Variants in VMP1 observed in about 807,000 individuals in gnomAD.
VMP1 encodes vacuole membrane protein 1, also known as ectopic P-granules autophagy protein 3 homolog.
Under a neutral mutation model 56.0 loss-of-function variants are expected in VMP1, and 11 were observed. That is an observed-to-expected ratio of 0.20 (90% CI 0.12 to 0.32). The LOEUF (loss-of-function observed/expected upper bound fraction) is 0.32, where lower values mean the gene tolerates loss of function less well. Ranked by LOEUF, VMP1 falls within the 10% of genes least tolerant of loss-of-function variation. The probability of loss-of-function intolerance (pLI) is 1.00; values close to 1 mark genes in which losing one functional copy is unlikely to be tolerated. For synonymous variants in VMP1, 149 were observed against 165.0 expected (o/e 0.90, Z 0.74); for missense variants, 296 against 490.3 (o/e 0.60, Z 3.74).
rs566692719 is a variant in VMP1, at chr17:59,841,125, A to G, written c.*1214A>G. On this transcript the variant is annotated 3_prime_UTR_variant, in exon 12 of 12. Coordinates refer to ENST00000262291, the MANE Select transcript of VMP1 (RefSeq NM_030938.5). ...ATTATGAGCATTATGTCAGAATAGA[A>G]TAGAATTGGGGTTCGATCTTAACAG... The G allele has an allele frequency of 4.0e-6, 1 of 247,608 alleles. No homozygotes were observed. The highest frequency in any genetic ancestry group is 9.2e-6 in the Non-Finnish European group (1 of 108,142). The allele number at this position is 247,608 out of a possible 1,614,324, so 15.3% of individuals were successfully genotyped here. A position where few individuals can be genotyped will look rare whatever the true frequency, so the allele number is the denominator to read the frequency against.
chr17:59,733,015 A>T (rs1399777627), intron 2 of VMP1, among the ~76,000 whole-genome samples: 2 of 152,134 alleles, frequency 1.3e-5, no homozygotes, highest in Non-Finnish European at 2.9e-5. Context: ...AAAAGATTTT[A>T]AAAATTTGCT....
intron 1 of VMP1, among the ~76,000 whole-genome samples, chr17:59,716,254 T>G (rs2034148545): frequency 1.3e-5 from 2 of 152,166 alleles, no homozygotes; most frequent in African/African-American, 4.8e-5. Context: ...TGAGAGTATT[T>G]TCACCCCAGT....
At chr17:59,770,038 C>T (rs2036369821) in intron 6 of VMP1, among the ~76,000 whole-genome samples, 1 of 152,054 alleles carries the variant, frequency 6.6e-6, no homozygotes, top group Non-Finnish European at 1.5e-5. Flanking sequence ...TCATGATTCC[C>T]ATTGTTTCTT....
chr17:59,797,067 C>G (rs933784023), intron 7 of VMP1, among the ~76,000 whole-genome samples: 1 of 152,072 alleles, frequency 6.6e-6, no homozygotes, highest in African/African-American at 2.4e-5. Flanking sequence ...GGCACTGTTG[C>G]TCAAGCCTGT....
chr17:59,787,248 GC>G (rs2037036994), intron 7 of VMP1, among the ~76,000 whole-genome samples: 1 of 152,082 alleles, frequency 6.6e-6, no homozygotes, highest in African/African-American at 2.4e-5. Context: ...AATTCTTCGT[GC>G]CCCCTTTTAC....
chr17:59,751,376 G>A (rs967548902), intron 5 of VMP1, among the ~76,000 whole-genome samples: 11 of 152,088 alleles, frequency 7.2e-5, no homozygotes, highest in African/African-American at 2.7e-4. Flanking sequence ...TGCATAAAGA[G>A]AACATAGCTG....
At chr17:59,789,646 G>C (rs1426820367) in intron 7 of VMP1, among the ~76,000 whole-genome samples, 2 of 152,050 alleles carry the variant, frequency 1.3e-5, no homozygotes, top group Admixed American at 6.5e-5. Flanking sequence ...TGTTATAAGT[G>C]CTGAGTGCTT....
At chr17:59,747,174 G>T (rs1453114294) in intron 5 of VMP1, among the ~76,000 whole-genome samples, 1 of 152,144 alleles carries the variant, frequency 6.6e-6, no homozygotes. Context: ...TTATTTACTT[G>T]TATTCATGCC....
intron 7 of VMP1, among the ~76,000 whole-genome samples, chr17:59,783,499 G>A (rs1265905705): frequency 1.3e-5 from 2 of 152,122 alleles, no homozygotes; most frequent in African/African-American, 4.8e-5. Flanking sequence ...AGCAATTTTA[G>A]CATCATTAAT....
Position 59,819,989 on chromosome 17 carries a change from C to T in VMP1, c.974+2216C>T, listed in dbSNP as rs118020397. Among the ~76,000 whole-genome samples the T allele has an allele frequency of 3.3e-3, 499 of 152,294 alleles. 2 individuals are homozygous for T. The highest frequency in any genetic ancestry group is 5.1e-3 in the Non-Finnish European group (349 of 68,030). On this transcript the variant is annotated intron_variant, in intron 10 of 11. Coordinates refer to ENST00000262291, the MANE Select transcript of VMP1 (RefSeq NM_030938.5). The stretch of plus-strand genomic sequence containing the variant: ...TTACTTAGCTACTTGTTTCATCTAC[C>T]GATATATCCAGTTTCACTCTCTTCC...
At chr17:59,772,066 C>T (rs900208433) in intron 6 of VMP1, among the ~76,000 whole-genome samples, 3 of 151,528 alleles carry the variant, frequency 2.0e-5, no homozygotes, top group Non-Finnish European at 1.5e-5. Flanking sequence ...CATAAGCTTG[C>T]TGCAACCTCT....
intron 6 of VMP1, among the ~76,000 whole-genome samples, chr17:59,770,770 T>C (rs2036395661): frequency 6.6e-6 from 1 of 151,922 alleles, no homozygotes; most frequent in Admixed American, 6.6e-5. Flanking sequence ...TTAGTAGACA[T>C]GGGGTTTCAC....
At chr17:59,812,503 AT>A (rs1319233829) in intron 9 of VMP1, among the ~76,000 whole-genome samples, 5 of 152,230 alleles carry the variant, frequency 3.3e-5, no homozygotes, top group Non-Finnish European at 5.9e-5. Flanking sequence ...GGGAAAATGG[AT>A]ATGTGCTTCT....
At chr17:59,740,185 G>A (rs984187599) in intron 5 of VMP1, among the ~76,000 whole-genome samples, 1 of 152,132 alleles carries the variant, frequency 6.6e-6, no homozygotes, top group East Asian at 1.9e-4. Context: ...CTAGGGAGAG[G>A]TTGAGTTAGA....
At chr17:59,799,767 A>T (rs2144164003) in intron 7 of VMP1, among the ~76,000 whole-genome samples, 2 of 152,290 alleles carry the variant, frequency 1.3e-5, no homozygotes, top group Admixed American at 1.3e-4. Context: ...GTTTGAGACC[A>T]GCCTGGCCAA....
At chr17:59,838,125 T>G (rs540930058) in intron 10 of VMP1, 170 bp from the exon 11 acceptor site, 2 of 212,912 alleles carry the variant, frequency 9.4e-6, no homozygotes, top group Non-Finnish European at 1.9e-5. Context: ...TTTTTTTAAC[T>G]AAAAAGGGGT....
intron 1 of VMP1, among the ~76,000 whole-genome samples, chr17:59,711,967 C>T (rs1345707303): frequency 3.3e-5 from 5 of 152,132 alleles, no homozygotes; most frequent in African/African-American, 1.2e-4. Context: ...TAAAGCTAGA[C>T]TGCTTTTTTT....
At chr17:59,796,077 AG>A (rs2144145868) in intron 7 of VMP1, among the ~76,000 whole-genome samples, 1 of 152,218 alleles carries the variant, frequency 6.6e-6, no homozygotes, top group Non-Finnish European at 1.5e-5. Context: ...CTTGCTTTGT[AG>A]GTTTCATCCA....
chr17:59,763,905 CT>C (rs1242159764), intron 5 of VMP1, among the ~76,000 whole-genome samples: 2 of 152,226 alleles, frequency 1.3e-5, no homozygotes, highest in African/African-American at 4.8e-5. Flanking sequence ...AAGTATTTAT[CT>C]TCATAATAGC....
Sources: gnomAD v4.1 joint callset for allele counts (sites outside exome capture counted in the v4.1 genomes callset) on GRCh38, gnomAD v4.1.1 for gene constraint, MANE v1.5 for transcripts, NCBI Gene and HGNC (gene_info 2026-07-23, HGNC 2026-07-21) for gene names.